Variants in CIB4 observed in about 807,000 individuals in gnomAD.
CIB4 encodes the protein calcium and integrin binding family member 4, also known as calcium and integrin-binding family member 4.
CIB4 carries 25 observed loss-of-function variants against 25.8 expected under a neutral mutation model. That is an observed-to-expected ratio of 0.97 (90% CI 0.71 to 1.35). The LOEUF is 1.35. CIB4 is among the 40% of genes most tolerant of loss of function. The pLI is 0.00. For missense variants in CIB4, 235 were observed against 228.2 expected (o/e 1.03, Z -0.19); for synonymous variants, 75 against 81.4 (o/e 0.92, Z 0.42).
intron 3 of CIB4, among the ~76,000 whole-genome samples, chr2:26,601,262 A>ATG (rs1668784602): frequency 7.4e-6 from 1 of 134,900 alleles, no homozygotes; most frequent in South Asian, 2.4e-4. Context: ...ATATATATAT[A>ATG]TATATATGCA....
chr2:26,610,064 C>T (rs1293903397), intron 3 of CIB4, among the ~76,000 whole-genome samples: 1 of 152,190 alleles, frequency 6.6e-6, no homozygotes, highest in Non-Finnish European at 1.5e-5. Flanking sequence ...CCCGCTGTGC[C>T]TCCACGACCC....
intron 2 of CIB4, among the ~76,000 whole-genome samples, chr2:26,634,370 T>G (rs1170715664): frequency 6.6e-6 from 1 of 152,228 alleles, no homozygotes; most frequent in Non-Finnish European, 1.5e-5. Context: ...ACTTGCAATC[T>G]GTGTGGGCTT....
chr2:26,598,814 C>T (rs1029856113), intron 3 of CIB4, among the ~76,000 whole-genome samples: 9 of 152,250 alleles, frequency 5.9e-5, no homozygotes, highest in Admixed American at 2.6e-4. Flanking sequence ...GATAGTGCTG[C>T]GGGAGAGTTT....
chr2:26,593,381 T>C (rs1668622879), intron 4 of CIB4, among the ~76,000 whole-genome samples: 1 of 151,692 alleles, frequency 6.6e-6, no homozygotes, highest in African/African-American at 2.4e-5. Flanking sequence ...CACGCACACA[T>C]ATACACACAC....
chr2:26,588,978 T>TTTCTTC lies in CIB4; in HGVS notation c.329-5086_329-5081dup, dbSNP rs879474454. The stretch of plus-strand genomic sequence containing the variant: ...CTGCTGCCGCTGCTGCCGCTTCTTC[T>TTTCTTC]TTCTTCTTCTTCTTCTTCTTCTTCT... On this transcript the variant is annotated intron_variant, in intron 4 of 6. Coordinates refer to ENST00000288861, the MANE Select transcript of CIB4 (RefSeq NM_001029881.3). Among the ~76,000 whole-genome samples the TTTCTTC allele has an allele frequency of 5.3e-3, 373 of 69,788 alleles. 6 individuals carry two copies. The highest frequency in any genetic ancestry group is 7.6e-3 in the Middle Eastern group (1 of 132). 45.8% of individuals were successfully genotyped at this position (69,788 alleles called of 152,430 possible).
rs1208466507 is a variant in CIB4 at position 26,582,857 on chromosome 2, T to C, written c.495A>G (p.Glu165=). ...AATCTGGAGACTTGGCCATTGCATG[T>C]TCAAACTCTGAGAAGGACAGCATGT... ...NDNMLSFSEF[E]HAMAKSPDFM... The change falls in exon 6 of 7, where the codon GAA becomes GAG. Residue 165 remains glutamate, a synonymous_variant. Transcript: ENST00000288861. 4 of 1,613,520 alleles carry C rather than the reference T, an allele frequency of 2.5e-6. No homozygotes were observed. Among genetic ancestry groups the C allele is most frequent in the East Asian group, 2.2e-5 (1 of 44,884 alleles).
chr2:26,625,700 A>C (rs1052915430), intron 3 of CIB4, among the ~76,000 whole-genome samples: 1 of 152,188 alleles, frequency 6.6e-6, no homozygotes, highest in Admixed American at 6.5e-5. Context: ...GGACTTGCAC[A>C]GACAGTTTTG....
intron 6 of CIB4, among the ~76,000 whole-genome samples, chr2:26,582,547 G>A (rs528745664): frequency 1.3e-5 from 2 of 152,334 alleles, no homozygotes; most frequent in Admixed American, 6.5e-5. Flanking sequence ...GAAGCACAGA[G>A]GTGTGTCAGC....
At chr2:26,587,044 C>A (rs556817131) in intron 4 of CIB4, among the ~76,000 whole-genome samples, 2 of 152,128 alleles carry the variant, frequency 1.3e-5, no homozygotes, top group Non-Finnish European at 2.9e-5. Flanking sequence ...ATTACATTCA[C>A]GCCTGTAATC....
At chr2:26,581,839 G>A (rs971772086) in intron 6 of CIB4, among the ~76,000 whole-genome samples, 4 of 152,218 alleles carry the variant, frequency 2.6e-5, no homozygotes, top group African/African-American at 4.8e-5. Flanking sequence ...AGTCAGAAGA[G>A]GGGAGGACCC....
chr2:26,593,752 A>G (rs1325130687), intron 4 of CIB4, among the ~76,000 whole-genome samples: 1 of 152,232 alleles, frequency 6.6e-6, no homozygotes, highest in Non-Finnish European at 1.5e-5. Flanking sequence ...CAAAGTGCAA[A>G]CCCTGTCACT....
chr2:26,612,698 C>G (rs1223429722), intron 3 of CIB4, among the ~76,000 whole-genome samples: 1 of 152,082 alleles, frequency 6.6e-6, no homozygotes, highest in African/African-American at 2.4e-5. Context: ...GCTGGCCAAG[C>G]GAGGCACTGC....
chr2:26,609,482 G>C (rs992391108), intron 3 of CIB4, among the ~76,000 whole-genome samples: 1 of 152,220 alleles, frequency 6.6e-6, no homozygotes, highest in African/African-American at 2.4e-5. Flanking sequence ...GAGGCCGAGA[G>C]TTTTGTCTGG....
chr2:26,611,965 G>C (rs1045497491), intron 3 of CIB4, among the ~76,000 whole-genome samples: 8 of 152,092 alleles, frequency 5.3e-5, no homozygotes, highest in African/African-American at 1.4e-4. Context: ...TTTATGTTAG[G>C]GTCGTTGGAT....
chr2:26,602,836 G>A (rs1668818884), intron 3 of CIB4, among the ~76,000 whole-genome samples: 1 of 152,106 alleles, frequency 6.6e-6, no homozygotes, highest in Non-Finnish European at 1.5e-5. Flanking sequence ...GAGGCGGGAG[G>A]CTCACTTGAG....
At chr2:26,598,277 G>C (rs936104562) in intron 3 of CIB4, among the ~76,000 whole-genome samples, 4 of 151,540 alleles carry the variant, frequency 2.6e-5, no homozygotes, top group Non-Finnish European at 5.9e-5. Flanking sequence ...TCCAGCCTGG[G>C]TGACAGAGGG....
At position 26,641,341 on chromosome 2, in the gene CIB4, C is replaced by T; in HGVS notation, c.-27G>A. 6.2e-7 allele frequency: 1 copy of T among 1,606,608 alleles called. No individual in the cohort carries two copies. Among genetic ancestry groups the T allele is most frequent in the Non-Finnish European group, 8.5e-7 (1 of 1,173,252 alleles). On this transcript the variant is annotated 5_prime_UTR_variant, in exon 1 of 7. Transcript: ENST00000288861. ...CCAACCACACCTTTCTGTCTGCCAG[C>T]AGTAGAACCTCAGCCTCAAGGACTC...
chr2:26,583,986 G>A (rs1668403333), intron 4 of CIB4, 88 bp from the exon 5 acceptor site: 3 of 812,578 alleles, frequency 3.7e-6, no homozygotes, highest in Non-Finnish European at 6.3e-6. Flanking sequence ...CACAGCACCA[G>A]CCAGGACCCC....
chr2:26,599,362 T>C (rs2148200774), intron 3 of CIB4, among the ~76,000 whole-genome samples: 1 of 152,354 alleles, frequency 6.6e-6, no homozygotes. Flanking sequence ...AATAAAAAGA[T>C]TGCAGTCCCT....
Sources: gnomAD v4.1 joint callset for allele counts (sites outside exome capture counted in the v4.1 genomes callset) on GRCh38, gnomAD v4.1.1 for gene constraint, MANE v1.5 for transcripts, NCBI Gene and HGNC (gene_info 2026-07-23, HGNC 2026-07-21) for gene names.